The following VPS53 variants were observed in gnomAD, a reference collection of about 807,000 sequenced individuals.
The protein encoded by VPS53 is VPS53 subunit of GARP complex.
Under a neutral mutation model 107.0 loss-of-function variants are expected in VPS53, and 70 were observed. The observed-to-expected ratio is 0.65, with a 90% CI of 0.54 to 0.80. The LOEUF is 0.80. Among genes scored for constraint, VPS53 ranks in the 30% least tolerant of loss-of-function variants. VPS53 has a pLI of 0.00. For missense variants in VPS53, 917 were observed against 1,049.4 expected, an observed-to-expected ratio of 0.87 and a Z score of 1.74; for synonymous variants, 409 against 393.3, an observed-to-expected ratio of 1.04 and a Z score of -0.47.
At chr17:555,610 C>T (rs1395024880) in intron 15 of VPS53, among the ~76,000 whole-genome samples, 2 of 152,218 alleles carry the variant, frequency 1.3e-5, no homozygotes, top group Non-Finnish European at 2.9e-5. Flanking sequence ...GCTGGGATTA[C>T]AGGCGTGAGC....
At chr17:645,522 T>G (rs1276702221) in intron 7 of VPS53, among the ~76,000 whole-genome samples, 1 of 152,248 alleles carries the variant, frequency 6.6e-6, no homozygotes, top group Non-Finnish European at 1.5e-5. Context: ...AAGTCCCATT[T>G]ATCTATGTTT....
At chr17:616,448 A>T (rs1370033675) in intron 11 of VPS53, 1 of 152,376 alleles carries the variant, frequency 6.6e-6, no homozygotes, top group Non-Finnish European at 1.5e-5. Flanking sequence ...CAGTTCTGCC[A>T]AAACATTTCA....
chr17:708,910 T>C (rs933291809), intron 2 of VPS53, among the ~76,000 whole-genome samples: 3 of 152,224 alleles, frequency 2.0e-5, no homozygotes, highest in Non-Finnish European at 4.4e-5. Flanking sequence ...TTCTTTATTA[T>C]ATTGGAACAG....
At chr17:629,276 A>T (rs1969841939) in intron 8 of VPS53, among the ~76,000 whole-genome samples, 1 of 152,070 alleles carries the variant, frequency 6.6e-6, no homozygotes, top group Admixed American at 6.6e-5. Context: ...CTCAATTCTC[A>T]CTTCAGGATG....
intron 19 of VPS53, among the ~76,000 whole-genome samples, chr17:529,569 TCAGA>T (rs1398308834): frequency 6.6e-6 from 1 of 152,224 alleles, no homozygotes; most frequent in Non-Finnish European, 1.5e-5. Flanking sequence ...CAGAGCAGGC[TCAGA>T]AAGACTCCAT....
At chr17:529,526 G>A (rs1041997604) in intron 19 of VPS53, among the ~76,000 whole-genome samples, 7 of 151,974 alleles carry the variant, frequency 4.6e-5, no homozygotes, top group Non-Finnish European at 8.8e-5. Flanking sequence ...TTTTTAAATT[G>A]TTATTTATTT....
chr17:606,243 C>T (rs769614279), intron 11 of VPS53, among the ~76,000 whole-genome samples: 7 of 152,096 alleles, frequency 4.6e-5, no homozygotes, highest in Non-Finnish European at 1.0e-4. Context: ...AGCAACTGCA[C>T]GGCTGATGTT....
At chr17:603,319 G>C (rs1054523721) in intron 11 of VPS53, among the ~76,000 whole-genome samples, 5 of 152,216 alleles carry the variant, frequency 3.3e-5, no homozygotes, top group African/African-American at 1.2e-4. Context: ...CTACTTGGGA[G>C]GCTGAGGCAC....
At chr17:628,375 C>G in intron 8 of VPS53, 144 bp from the exon 9 acceptor site, 3 of 989,696 alleles carry the variant, frequency 3.0e-6, no homozygotes, top group Non-Finnish European at 4.3e-6. Context: ...GTGGCTGGAT[C>G]TGTCAGTTAC....
intron 18 of VPS53, among the ~76,000 whole-genome samples, chr17:533,347 A>G (rs1409870614): frequency 6.6e-6 from 1 of 152,060 alleles, no homozygotes; most frequent in Admixed American, 6.5e-5. Flanking sequence ...GGCTTCAAGC[A>G]GTCCTCCTCC....
At chr17:620,679 T>A (rs1434274155) in intron 11 of VPS53, among the ~76,000 whole-genome samples, 1 of 57,052 alleles carries the variant, frequency 1.8e-5, no homozygotes, top group Non-Finnish European at 3.3e-5. Flanking sequence ...CTACATTCTA[T>A]TTTTTTTTTT....
At chr17:575,354 A>G (rs1914505003) in intron 13 of VPS53, among the ~76,000 whole-genome samples, 1 of 152,226 alleles carries the variant, frequency 6.6e-6, no homozygotes, top group East Asian at 1.9e-4. Flanking sequence ...CCATGATAGA[A>G]GCATTAAAAA....
chr17:712,692 A>G (rs1384855198), intron 1 of VPS53, among the ~76,000 whole-genome samples: 2 of 152,168 alleles, frequency 1.3e-5, no homozygotes, highest in Non-Finnish European at 2.9e-5. Context: ...CTGCTATACT[A>G]TCACTCAAAC....
rs1213596669 is a variant in VPS53, at chr17:514,137, C to T, written c.*4991G>A. 3.1e-5 allele frequency: 2 copies of T among 64,928 alleles called. No homozygotes were observed. Among genetic ancestry groups the T allele is most frequent in the Non-Finnish European group, 4.8e-5 (2 of 41,502 alleles). 4.0% of individuals were successfully genotyped at this position (64,928 alleles called of 1,614,324 possible). A position where few individuals can be genotyped will look rare whatever the true frequency, so the allele number is the denominator to read the frequency against. The stretch of plus-strand genomic sequence containing the variant: ...AGTGCTCTTCCTAGCGAAGGAATCC[C>T]ATTTCCAGCAGGTTATTCCGAGTGC... On this transcript the variant is annotated 3_prime_UTR_variant, in exon 22 of 22. Coordinates refer to ENST00000437048, the MANE Select transcript of VPS53 (RefSeq NM_001128159.3).
chr17:601,914 GAA>G lies in VPS53; in HGVS notation c.1117-20_1117-19del. The stretch of plus-strand genomic sequence containing the variant: ...AGCTTTTTCTGTTAGGTAGATATGA[GAA>G]AGAGAAGTGTTTTCTGAGCATATTC... On this transcript the variant is annotated intron_variant, in intron 11 of 21. Transcript: ENST00000437048. 3.9e-6 allele frequency: 6 copies of G among 1,542,962 alleles called. No individual in the cohort carries two copies. The highest frequency in any genetic ancestry group is 1.7e-4 in the Middle Eastern group (1 of 5,780).
chr17:578,794 G>C (rs1057259242), intron 13 of VPS53, among the ~76,000 whole-genome samples: 1 of 150,316 alleles, frequency 6.7e-6, no homozygotes, highest in African/African-American at 2.5e-5. Flanking sequence ...CGTTCCTAGA[G>C]AACCCCCAAC....
intron 11 of VPS53, among the ~76,000 whole-genome samples, chr17:610,397 T>C (rs190010586): frequency 6.6e-6 from 1 of 152,218 alleles, no homozygotes; most frequent in East Asian, 1.9e-4. Context: ...ATCAAAGATA[T>C]AAATGTAGCA....
chr17:653,443 A>AACT, intron 6 of VPS53, 33 bp from the exon 7 acceptor site: 3 of 1,613,626 alleles, frequency 1.9e-6, no homozygotes, highest in Non-Finnish European at 2.5e-6. Context: ...AAAGTCTAGA[A>AACT]AAACACTAAA....
chr17:557,146 C>T (rs192528516), intron 15 of VPS53, among the ~76,000 whole-genome samples: 1 of 152,296 alleles, frequency 6.6e-6, no homozygotes, highest in East Asian at 1.9e-4. Flanking sequence ...AGCCACCGCG[C>T]CCCCACTCTT....
Sources: allele counts gnomAD v4.1 joint callset (sites outside exome capture counted in the v4.1 genomes callset), GRCh38; gene constraint gnomAD v4.1.1; transcripts MANE v1.5; gene names NCBI Gene and HGNC (gene_info 2026-07-23, HGNC 2026-07-21).